SIPA1L2: variants seen among roughly 807,000 people sequenced by gnomAD.
SIPA1L2 encodes signal-induced proliferation-associated 1-like protein 2.
Under a neutral mutation model 163.9 loss-of-function variants are expected in SIPA1L2, and 56 were observed. The ratio of observed to expected loss-of-function variants is 0.34; its 90% CI spans 0.28 to 0.43. The LOEUF (loss-of-function observed/expected upper bound fraction) is 0.43, where lower values mean the gene tolerates loss of function less well. Ranked by LOEUF, SIPA1L2 falls within the 20% of genes least tolerant of loss-of-function variation. SIPA1L2 has a pLI of 1.00. For missense variants in SIPA1L2, 1,974 were observed against 2,193.5 expected (o/e 0.90, Z 2.00); for synonymous variants, 877 against 865.7 (o/e 1.01, Z -0.23).
intron 18 of SIPA1L2, among the ~76,000 whole-genome samples, chr1:232,416,503 C>T (rs1661273872): frequency 6.6e-6 from 1 of 152,184 alleles, no homozygotes; most frequent in African/African-American, 2.4e-5. Flanking sequence ...TCATTTTCTT[C>T]AGGGGAGACC....
chr1:232,629,759 C>G (rs1573200980), intron 1 of SIPA1L2, among the ~76,000 whole-genome samples, 110 bp downstream of exon 1: 1 of 152,018 alleles, frequency 6.6e-6, no homozygotes, highest in Non-Finnish European at 1.5e-5. Flanking sequence ...CGTCAGCCCC[C>G]CAAAGCGCCC....
intron 7 of SIPA1L2, among the ~76,000 whole-genome samples, chr1:232,477,242 G>C (rs973566857): frequency 6.6e-6 from 1 of 152,118 alleles, no homozygotes; most frequent in Non-Finnish European, 1.5e-5. Context: ...TTTCATAATA[G>C]ATCTTTAGGA....
At chr1:232,618,116 G>A (rs2102884616) in intron 1 of SIPA1L2, among the ~76,000 whole-genome samples, 1 of 152,218 alleles carries the variant, frequency 6.6e-6, no homozygotes, top group East Asian at 1.9e-4. Context: ...ATAAAACGTT[G>A]GGGGAAAGTA....
rs149670133 is a variant in SIPA1L2, at chr1:232,417,779, G to T, written c.4631-2154C>A. Reference sequence around the variant, plus strand: ...TTGCTCAAGGCAAGTTTTCTGCACCGAGTGTAAAGAAATTAAATATGGAGG... The same window carrying T: ...TTGCTCAAGGCAAGTTTTCTGCACCTAGTGTAAAGAAATTAAATATGGAGG... On this transcript the variant is annotated intron_variant, in intron 18 of 22. Transcript: ENST00000674635. 2.1e-3 allele frequency among the ~76,000 whole-genome samples: 313 copies of T among 152,292 alleles called. 2 individuals carry two copies. Among genetic ancestry groups the T allele is most frequent in the African/African-American group, 7.1e-3 (294 of 41,566 alleles).
chr1:232,420,860 G>T (rs1457515620), intron 18 of SIPA1L2, among the ~76,000 whole-genome samples: 1 of 152,142 alleles, frequency 6.6e-6, no homozygotes, highest in Non-Finnish European at 1.5e-5. Context: ...GCCAGCCTAG[G>T]CAAGTGGGTG....
intron 7 of SIPA1L2, among the ~76,000 whole-genome samples, chr1:232,476,881 G>A (rs987435474): frequency 6.6e-6 from 1 of 152,212 alleles, no homozygotes; most frequent in African/African-American, 2.4e-5. Context: ...CAACTGTAGT[G>A]TAAGAAGCCA....
intron 1 of SIPA1L2, among the ~76,000 whole-genome samples, chr1:232,626,468 G>C (rs1663085297): frequency 6.6e-6 from 1 of 152,114 alleles, no homozygotes; most frequent in African/African-American, 2.4e-5. Flanking sequence ...AACCTCAACA[G>C]TGAGTCAAGA....
chr1:232,553,731 C>A (rs188465142), intron 2 of SIPA1L2, among the ~76,000 whole-genome samples: 227 of 152,308 alleles, frequency 1.5e-3, no homozygotes, highest in Middle Eastern at 3.4e-3. Context: ...AAATCCTCTT[C>A]TACCATAAAA....
chr1:232,533,485 C>T (rs16857578), intron 2 of SIPA1L2, among the ~76,000 whole-genome samples: 30,780 of 152,160 alleles, frequency 0.2, 3,770 homozygotes, highest in African/African-American at 0.34. Flanking sequence ...GCAGCTATCA[C>T]TGACCTGAAA....
At chr1:232,576,625 T>C (rs1357746924) in intron 1 of SIPA1L2, among the ~76,000 whole-genome samples, 2 of 152,070 alleles carry the variant, frequency 1.3e-5, no homozygotes, top group Non-Finnish European at 2.9e-5. Flanking sequence ...CCAGAAGCAA[T>C]TAAGCTCAAT....
At chr1:232,512,300 A>G (rs913771704) in intron 3 of SIPA1L2, among the ~76,000 whole-genome samples, 1 of 152,232 alleles carries the variant, frequency 6.6e-6, no homozygotes, top group Non-Finnish European at 1.5e-5. Flanking sequence ...GCTATTGTGG[A>G]AGACAGTGTG....
At chr1:232,443,724 T>C (rs141944298) in intron 11 of SIPA1L2, 39 bp from the exon 12 acceptor site, 5 of 1,547,790 alleles carry the variant, frequency 3.2e-6, no homozygotes, top group Middle Eastern at 1.7e-4. Flanking sequence ...GGCACTGAAC[T>C]ATCTGCCAAG....
At chr1:232,446,617 T>C (rs555531928) in intron 10 of SIPA1L2, among the ~76,000 whole-genome samples, 1 of 152,370 alleles carries the variant, frequency 6.6e-6, no homozygotes, top group South Asian at 2.1e-4. Flanking sequence ...TAACCAGTCT[T>C]AGTGACCAAA....
At chr1:232,604,406 A>G (rs1661777882) in intron 1 of SIPA1L2, among the ~76,000 whole-genome samples, 1 of 152,226 alleles carries the variant, frequency 6.6e-6, no homozygotes, top group African/African-American at 2.4e-5. Flanking sequence ...ATGTTCAATA[A>G]CGCAGAAAAG....
intron 1 of SIPA1L2, among the ~76,000 whole-genome samples, chr1:232,607,633 A>G (rs1400679535): frequency 6.6e-6 from 1 of 152,020 alleles, no homozygotes; most frequent in Non-Finnish European, 1.5e-5. Context: ...TTCTCCTCGT[A>G]TTTATTAATC....
At chr1:232,468,432 G>A (rs11589920) in intron 8 of SIPA1L2, among the ~76,000 whole-genome samples, 36,402 of 152,134 alleles carry the variant, frequency 0.24, 4,788 homozygotes, top group East Asian at 0.57. Flanking sequence ...GAGTCAGGGA[G>A]TCCAGCTCTA....
At chr1:232,612,542 A>G (rs1467913568) in intron 1 of SIPA1L2, among the ~76,000 whole-genome samples, 2 of 152,318 alleles carry the variant, frequency 1.3e-5, no homozygotes, top group East Asian at 3.9e-4. Flanking sequence ...AAAGGAGATC[A>G]TTTTGGAGTT....
intron 2 of SIPA1L2, among the ~76,000 whole-genome samples, chr1:232,554,603 C>T (rs1464143760): frequency 6.6e-6 from 1 of 152,192 alleles, no homozygotes; most frequent in Non-Finnish European, 1.5e-5. Context: ...GAAACGACGA[C>T]TTATTTTAAC....
chr1:232,498,442 A>G (rs1666308172), intron 3 of SIPA1L2, among the ~76,000 whole-genome samples: 1 of 152,220 alleles, frequency 6.6e-6, no homozygotes, highest in Non-Finnish European at 1.5e-5. Context: ...TACCGCTGTA[A>G]CAAATTTCCA....
Sources: gnomAD v4.1 joint callset for allele counts (sites outside exome capture counted in the v4.1 genomes callset) on GRCh38, gnomAD v4.1.1 for gene constraint, MANE v1.5 for transcripts, NCBI Gene and HGNC (gene_info 2026-07-23, HGNC 2026-07-21) for gene names.